Variants in SLC27A1 observed in about 807,000 individuals in gnomAD.
SLC27A1 encodes long-chain fatty acid transport protein 1.
A neutral mutation model predicts 62.2 loss-of-function variants in SLC27A1; 61 were observed. The ratio of observed to expected loss-of-function variants is 0.98; its 90% CI spans 0.80 to 1.21. The LOEUF (loss-of-function observed/expected upper bound fraction) is 1.21. Ranked by LOEUF, SLC27A1 falls within the 50% of genes most tolerant of loss-of-function variation. SLC27A1 has a pLI of 0.00. For missense variants in SLC27A1, 903 were observed against 932.1 expected, an observed-to-expected ratio of 0.97 and a Z score of 0.41; for synonymous variants, 435 against 408.6, an observed-to-expected ratio of 1.06 and a Z score of -0.78.
intron 1 of SLC27A1, among the ~76,000 whole-genome samples, chr19:17,477,605 T>C (rs2075137330): frequency 6.6e-6 from 1 of 151,340 alleles, no homozygotes; most frequent in Non-Finnish European, 1.5e-5. Flanking sequence ...CAGGCTGGAG[T>C]GCAGTGGTGC....
intron 6 of SLC27A1, 154 bp from the exon 7 acceptor site, chr19:17,497,101 T>C (rs1599668467): frequency 1.7e-6 from 1 of 577,668 alleles, no homozygotes; most frequent in Non-Finnish European, 3.0e-6. Context: ...TGGTCCCTAA[T>C]GGAGTGTGGA....
intron 6 of SLC27A1, chr19:17,490,097 G>T (rs1178224580): frequency 6.6e-6 from 1 of 152,140 alleles, no homozygotes; most frequent in Non-Finnish European, 1.5e-5. Context: ...GTTCTGTTTG[G>T]AGGGTCTTGG....
Position 17,497,351 on chromosome 19 carries a change from G to A in SLC27A1, c.1093G>A (p.Gly365Arg), listed in dbSNP as rs1428326031. The A allele has an allele frequency of 1.2e-6, 2 of 1,601,764 alleles. No homozygotes were observed. The highest frequency in any genetic ancestry group is 1.7e-6 in the Non-Finnish European group (2 of 1,176,338). ...CCGCGTGCGCCTGGCGGTGGGGAAC[G>A]GGCTGCGTCCTGCCATCTGGGAGGA... is the stretch of plus-strand genomic sequence containing the variant. ...RHRVRLAVGN[G>R]LRPAIWEEFT... The change falls in exon 7 of 12, where the codon GGG becomes AGG. Residue 365 changes from glycine (G) to arginine (R), a missense_variant. Coordinates refer to ENST00000252595, the MANE Select transcript of SLC27A1 (RefSeq NM_198580.3).
intron 7 of SLC27A1, 177 bp from the exon 8 acceptor site, chr19:17,500,101 G>A: frequency 2.1e-6 from 2 of 953,906 alleles, no homozygotes; most frequent in South Asian, 1.7e-5. Context: ...GTGGGAGGAG[G>A]GGCCCTGAGT....
intron 1 of SLC27A1, among the ~76,000 whole-genome samples, chr19:17,484,688 A>C (rs368661363): frequency 1.3e-5 from 2 of 152,126 alleles, no homozygotes; most frequent in African/African-American, 4.8e-5. Flanking sequence ...GAATGATGGA[A>C]TGAATGAAGG....
rs1322098039 is a variant in SLC27A1, at chr19:17,485,390, G to A, written c.168-1173G>A. ...TTTTTAGTAGAGACGGGGTTTCACC[G>A]TGTTAGCCAGGATGGTCTCAATCTG... On this transcript the variant is annotated intron_variant, in intron 1 of 11. Transcript: ENST00000252595. 9.3e-5 allele frequency among the ~76,000 whole-genome samples: 14 copies of A among 151,318 alleles called. No individual in the cohort carries two copies. The East Asian group carries it at 1.6e-3, about 17-fold the overall frequency.
intron 11 of SLC27A1, among the ~76,000 whole-genome samples, chr19:17,502,334 TG>T (rs1315771387): frequency 6.5e-4 from 47 of 72,776 alleles, no homozygotes; most frequent in African/African-American, 1.7e-3. Context: ...TCTGAAATAG[TG>T]TTTTTTTTGT....
Position 17,504,837 on chromosome 19 carries a change from T to C in SLC27A1, c.*225T>C. ...CTCTCCCTGCTTTTCAGCCTCTGTC[T>C]CCTTCCATCCCTGTCCCTGTCTGGC... On this transcript the variant is annotated 3_prime_UTR_variant, in exon 12 of 12. Coordinates refer to ENST00000252595, the MANE Select transcript of SLC27A1 (RefSeq NM_198580.3). The C allele has an allele frequency of 1.4e-6, 1 of 696,288 alleles. No homozygotes were observed. The highest frequency in any genetic ancestry group is 2.6e-6 in the Non-Finnish European group (1 of 382,198). 43.1% of individuals were successfully genotyped at this position (696,288 alleles called of 1,614,324 possible). A position where few individuals can be genotyped will look rare whatever the true frequency, so the allele number is the denominator to read the frequency against.
At chr19:17,498,510 T>A (rs916266554) in intron 7 of SLC27A1, 1 of 159,662 alleles carries the variant, frequency 6.3e-6, no homozygotes, top group South Asian at 2.0e-4. Flanking sequence ...GATTCTTGCA[T>A]AGGAAACACA....
At chr19:17,478,390 C>T (rs952488980) in intron 1 of SLC27A1, among the ~76,000 whole-genome samples, 2 of 145,566 alleles carry the variant, frequency 1.4e-5, no homozygotes, top group Non-Finnish European at 3.0e-5. Flanking sequence ...TCGCTTGAAC[C>T]TGGGAGGCGG....
chr19:17,499,917 G>A, intron 7 of SLC27A1: 1 of 240,568 alleles, frequency 4.2e-6, no homozygotes, highest in Non-Finnish European at 8.1e-6. Context: ...AAGCATTTCT[G>A]TTCATAGAAC....
Position 17,504,899 on chromosome 19 carries a change from TC to T in SLC27A1, c.*288del. ...CCTCTTTTTCTTTTCTTTCTTTCTT[TC>T]TTTTTTTTTTAAGATAGAGTCTCAC... On this transcript the variant is annotated 3_prime_UTR_variant, in exon 12 of 12. Coordinates refer to ENST00000252595, the MANE Select transcript of SLC27A1 (RefSeq NM_198580.3). The T allele has an allele frequency of 3.4e-6, 2 of 585,192 alleles. No individual in the cohort carries two copies. Among genetic ancestry groups the T allele is most frequent in the Non-Finnish European group, 3.2e-6 (1 of 311,622 alleles). 36.2% of individuals were successfully genotyped at this position (585,192 alleles called of 1,614,324 possible).
intron 6 of SLC27A1, chr19:17,489,828 AG>A (rs1388085710): frequency 6.6e-6 from 1 of 152,532 alleles, no homozygotes. Flanking sequence ...AATGTGGGGC[AG>A]GATACAGGAA....
Position 17,488,920 on chromosome 19 carries a change from G to T in SLC27A1, c.867G>T (p.Leu289=). 6.2e-7 allele frequency: 1 copy of T among 1,614,136 alleles called. No homozygotes were observed. Among genetic ancestry groups the T allele is most frequent in the Non-Finnish European group, 8.5e-7 (1 of 1,180,022 alleles). ...CGGCTGACGTGCTCTATGACTGCCTGCCCCTGTACCACTCGGCAGGTACTA... is the reference window on the plus strand; with the variant it reads ...CGGCTGACGTGCTCTATGACTGCCTTCCCCTGTACCACTCGGCAGGTACTA... ...MQAADVLYDC[L]PLYHSAGNII... Residue 289 remains leucine (L), a synonymous_variant, in exon 5 of 12, where the codon CTG becomes CTT. Transcript: ENST00000252595.
rs147019427 is a variant in SLC27A1 at position 17,501,333 on chromosome 19, A to C, written c.1697A>C (p.Asn566Thr). Residue 566 changes from asparagine to threonine, a missense_variant, in exon 11 of 12, where the codon AAC (asparagine) becomes ACC (threonine). By Grantham distance (65) the Asn-to-Thr change is moderately conservative. Coordinates refer to ENST00000252595, the MANE Select transcript of SLC27A1 (RefSeq NM_198580.3). Reference protein sequence around the residue: ...VADPHSLLDPNAIYQELQKVL... With the variant: ...VADPHSLLDPTAIYQELQKVL... The stretch of plus-strand genomic sequence containing the variant: ...GACCCCCACAGCCTGCTGGACCCCA[A>C]CGCGATATACCAGGAGCTGCAGAAG... 2 of 1,613,988 alleles carry C rather than the reference A, an allele frequency of 1.2e-6. No individual in the cohort carries two copies. Among genetic ancestry groups the C allele is most frequent in the South Asian group, 2.2e-5 (2 of 91,072 alleles).
intron 1 of SLC27A1, among the ~76,000 whole-genome samples, chr19:17,473,169 GCGATCAC>G (rs1302573794): frequency 6.6e-6 from 1 of 152,128 alleles, no homozygotes. Context: ...CTGGCCTCCA[GCGATCAC>G]CCAATTTCAG....
rs1217269749 is a variant in SLC27A1 at position 17,489,102 on chromosome 19, C to G, written c.981C>G (p.Ile327Met). 1.9e-6 allele frequency: 3 copies of G among 1,614,098 alleles called. No homozygotes were observed. The highest frequency in any genetic ancestry group is 2.5e-6 in the Non-Finnish European group (3 of 1,179,974). ...CCAGCCGCTTCTGGGACGACTGCAT[C>G]AAGTACAACTGCACGGTCAGGCCCT... is the stretch of plus-strand genomic sequence containing the variant. ...FSASRFWDDC[I>M]KYNCTVVQYI... The change falls in exon 6 of 12, where the codon ATC (isoleucine) becomes ATG (methionine). Residue 327 changes from isoleucine to methionine, a missense_variant. Coordinates refer to ENST00000252595, the MANE Select transcript of SLC27A1 (RefSeq NM_198580.3).
upstream of SLC27A1, chr19:17,470,402 G>T: frequency 1.9e-6 from 2 of 1,067,712 alleles, no homozygotes; most frequent in Non-Finnish European, 1.2e-6. Flanking sequence ...CTCGGAGCGC[G>T]TTCCCGGACT....
chr19:17,504,600 C>A lies in SLC27A1; in HGVS notation c.1929C>A (p.Ala643=). 6.2e-7 allele frequency: 1 copy of A among 1,614,178 alleles called. No individual in the cohort carries two copies. The highest frequency in any genetic ancestry group is 1.3e-5 in the African/African-American group (1 of 75,068). Residue 643 remains alanine, a synonymous_variant, in exon 12 of 12, where the codon GCC becomes GCA. Transcript: ENST00000252595. ...TCTACACTCGCATCTGCTCGGGCGCCTTCGCCCTCTGAAGCTGTTCCTCTA... is the reference window on the plus strand; with the variant it reads ...TCTACACTCGCATCTGCTCGGGCGCATTCGCCCTCTGAAGCTGTTCCTCTA... ...EAVYTRICSG[A]FAL
Sources: allele counts gnomAD v4.1 joint callset (sites outside exome capture counted in the v4.1 genomes callset), GRCh38; gene constraint gnomAD v4.1.1; transcripts MANE v1.5; gene names NCBI Gene and HGNC (gene_info 2026-07-23, HGNC 2026-07-21).